Variants in ABR observed in about 807,000 individuals in gnomAD.
The protein encoded by ABR is active breakpoint cluster region-related protein.
ABR carries 35 observed loss-of-function variants against 107.2 expected under a neutral mutation model. The ratio of observed to expected loss-of-function variants is 0.33; its 90% CI spans 0.25 to 0.43. ABR has a LOEUF of 0.43. Ranked by LOEUF, ABR falls within the 20% of genes least tolerant of loss-of-function variation. The probability of loss-of-function intolerance (pLI) is 1.00; values close to 1 mark genes in which losing one functional copy is unlikely to be tolerated. For synonymous variants in ABR, 498 were observed against 462.0 expected (o/e 1.08, Z -1.00); for missense variants, 815 against 1,115.2 (o/e 0.73, Z 3.83).
At chr17:1,094,696 A>T (rs543123385) in intron 3 of ABR, among the ~76,000 whole-genome samples, 1 of 152,298 alleles carries the variant, frequency 6.6e-6, no homozygotes, top group Non-Finnish European at 1.5e-5. Context: ...CCAGTTGGGC[A>T]AAATGGGCCA....
Position 1,150,107 on chromosome 17 carries a change from C to G in ABR, c.62-24740G>C, listed in dbSNP as rs995122246. Among the ~76,000 whole-genome samples the G allele has an allele frequency of 6.6e-6, 1 of 151,880 alleles. No homozygotes were observed. Among genetic ancestry groups the G allele is most frequent in the Non-Finnish European group, 1.5e-5 (1 of 68,000 alleles). On this transcript the variant is annotated intron_variant, in intron 1 of 22. Coordinates refer to ENST00000302538, the MANE Select transcript of ABR (RefSeq NM_021962.5). This position sits in a 1 kb window ranked among gnomAD's most constrained non-coding sequence, Gnocchi z 4.8. Reference sequence around the variant, plus strand: ...CATAGTCCCGGCCTGGGAGAGACACCGAGAGGAAGGCCAGCTTGCCCGGTG... The same window carrying G: ...CATAGTCCCGGCCTGGGAGAGACACGGAGAGGAAGGCCAGCTTGCCCGGTG...
At chr17:1,066,137 C>A (rs1447299114) in intron 10 of ABR, among the ~76,000 whole-genome samples, 3 of 152,122 alleles carry the variant, frequency 2.0e-5, no homozygotes, top group African/African-American at 7.2e-5. Flanking sequence ...CCTCAGCCTC[C>A]CAAAGTTCTG....
chr17:1,135,089 T>A (rs1003494316), intron 1 of ABR, among the ~76,000 whole-genome samples: 6 of 152,144 alleles, frequency 3.9e-5, no homozygotes, highest in Non-Finnish European at 1.5e-5. Context: ...GGAGCAGAGT[T>A]TCAGGCGGTG....
chr17:1,165,243 C>A (rs1183299124), intron 1 of ABR, among the ~76,000 whole-genome samples: 1 of 152,254 alleles, frequency 6.6e-6, no homozygotes, highest in East Asian at 1.9e-4. Context: ...CCAAAAATGC[C>A]CCTCAGTCCC....
intron 2 of ABR, among the ~76,000 whole-genome samples, chr17:1,103,032 A>G (rs139534221): frequency 7.9e-5 from 12 of 152,230 alleles, no homozygotes; most frequent in African/African-American, 2.6e-4. Context: ...AGATTTCTGT[A>G]TAAGAGAATA....
intron 1 of ABR, among the ~76,000 whole-genome samples, chr17:1,151,397 G>A (rs1044576576): frequency 9.9e-5 from 15 of 152,106 alleles, no homozygotes; most frequent in African/African-American, 3.1e-4. Flanking sequence ...AAAATCCCAA[G>A]CTCAGTTCCT....
intron 2 of ABR, among the ~76,000 whole-genome samples, chr17:1,106,583 G>A (rs2038267037): frequency 7.8e-6 from 1 of 128,664 alleles, no homozygotes; most frequent in Admixed American, 9.1e-5. Flanking sequence ...AGGCTGGAAT[G>A]CAGTGGCATG....
chr17:1,105,481 A>T (rs2038186316), intron 2 of ABR, among the ~76,000 whole-genome samples: 2 of 152,130 alleles, frequency 1.3e-5, no homozygotes, highest in South Asian at 4.1e-4. Flanking sequence ...CGCACTTAGA[A>T]AAACATCCAA....
intron 1 of ABR, among the ~76,000 whole-genome samples, chr17:1,193,759 C>T (rs559832908): frequency 1.3e-5 from 2 of 152,232 alleles, no homozygotes; most frequent in African/African-American, 4.8e-5. Context: ...GGCACAATCT[C>T]GGCTCACTGC....
At chr17:1,057,170 G>A in intron 12 of ABR, 68 bp from the exon 13 acceptor site, 1 of 1,094,984 alleles carries the variant, frequency 9.1e-7, no homozygotes, top group Non-Finnish European at 1.4e-6. Context: ...CTCTTCCCTG[G>A]GGGCTGCTGC....
chr17:1,022,119 A>AC (rs1413268298), intron 16 of ABR, among the ~76,000 whole-genome samples: 5 of 150,604 alleles, frequency 3.3e-5, no homozygotes, highest in Non-Finnish European at 5.9e-5. Flanking sequence ...AAAAAAAAAA[A>AC]AAAAAACAGA....
intron 17 of ABR, 38 bp downstream of exon 17, chr17:1,013,067 C>T: frequency 6.2e-7 from 1 of 1,611,016 alleles, no homozygotes; most frequent in Non-Finnish European, 8.5e-7. Context: ...GTTCCACCTC[C>T]CGGCTCACGC....
At position 1,111,289 on chromosome 17, in the gene ABR, C is replaced by G. The variant is rs142122275; in HGVS notation, c.247-10554G>C. Among the ~76,000 whole-genome samples, 11 of 152,332 alleles carry G rather than the reference C, an allele frequency of 7.2e-5. No individual in the cohort carries two copies. The East Asian group carries it at 1.9e-3, about 27-fold the overall frequency. On this transcript the variant is annotated intron_variant, in intron 2 of 22. Transcript: ENST00000302538. ...AAATCCCTGAACCCCACACAAGTGA[C>G]TCCCTGAGTATCCAGGGCCTCTCTA...
chr17:1,207,440 A>T (rs985172637), intron 1 of ABR, among the ~76,000 whole-genome samples: 1 of 151,940 alleles, frequency 6.6e-6, no homozygotes, highest in Non-Finnish European at 1.5e-5. Context: ...ACCTGAGCTC[A>T]GGAGTTCGAG....
intron 16 of ABR, among the ~76,000 whole-genome samples, chr17:1,014,077 C>T (rs2070907087): frequency 6.6e-6 from 1 of 152,222 alleles, no homozygotes; most frequent in Admixed American, 6.5e-5. Context: ...AAAAGTGTGA[C>T]ATCATTCCTT....
intron 1 of ABR, among the ~76,000 whole-genome samples, chr17:1,173,030 C>T (rs2041780726): frequency 7.6e-6 from 1 of 131,030 alleles, no homozygotes; most frequent in African/African-American, 2.7e-5. Context: ...AACACATCAC[C>T]TCAGCCCACC....
intron 12 of ABR, among the ~76,000 whole-genome samples, chr17:1,057,631 C>G (rs1427560363): frequency 7.1e-6 from 1 of 141,298 alleles, no homozygotes; most frequent in Non-Finnish European, 1.5e-5. Flanking sequence ...CGTAAGCCAC[C>G]GTACCCAGCC....
intron 1 of ABR, among the ~76,000 whole-genome samples, chr17:1,176,837 C>CCCCGT (rs1419577219): frequency 4.6e-5 from 7 of 150,984 alleles, no homozygotes; most frequent in African/African-American, 1.7e-4. Flanking sequence ...AAGACGGAGA[C>CCCCGT]CCCGTCTCAA....
In ABR at chr17:1,202,605, C is replaced by T. The variant is rs144730842; in HGVS notation, c.838+26188G>A. On this transcript the variant is annotated intron_variant, in intron 1 of 22. Coordinates refer to the ABR transcript ENST00000574139. ...AAAGGCCCCAGCTGCCCCCTTTTCA[C>T]ATCTTCACATATGAGCTGGCAGCAA... Among the ~76,000 whole-genome samples, 881 of 152,280 alleles carry T rather than the reference C, an allele frequency of 5.8e-3. 3 individuals carry two copies. Among genetic ancestry groups the T allele is most frequent in the African/African-American group, 0.02 (833 of 41,554 alleles).
Sources: allele counts gnomAD v4.1 joint callset (sites outside exome capture counted in the v4.1 genomes callset), GRCh38; gene constraint gnomAD v4.1.1; non-coding constraint Gnocchi (gnomAD v3.1); transcripts MANE v1.5; gene names NCBI Gene and HGNC (gene_info 2026-07-23, HGNC 2026-07-21).